RORA: variants seen among roughly 807,000 people sequenced by gnomAD.
The protein encoded by RORA is RAR related orphan receptor A, also known as nuclear receptor ROR-alpha.
In RORA, 7 loss-of-function variants were observed where a neutral mutation model predicts 69.5. That is an observed-to-expected ratio of 0.10 (90% CI 0.06 to 0.19). RORA has a LOEUF of 0.19. Among genes scored for constraint, RORA ranks in the 10% least tolerant of loss-of-function variants. RORA has a pLI of 1.00. For missense variants in RORA, 457 were observed against 663.0 expected (o/e 0.69, Z 3.41); for synonymous variants, 261 against 240.8 (o/e 1.08, Z -0.78).
At chr15:60,823,343 C>A (rs2072918864) in intron 1 of RORA, among the ~76,000 whole-genome samples, 2 of 152,178 alleles carry the variant, frequency 1.3e-5, no homozygotes. Flanking sequence ...GTGTAAGCCA[C>A]CACAGGCTTT....
chr15:61,002,305 G>A (rs1056801684), intron 1 of RORA, among the ~76,000 whole-genome samples: 1 of 152,174 alleles, frequency 6.6e-6, no homozygotes, highest in Non-Finnish European at 1.5e-5. Context: ...TGCAGCATAT[G>A]AACCAATAAA....
intron 1 of RORA, among the ~76,000 whole-genome samples, chr15:61,150,186 A>G (rs963145871): frequency 2.6e-5 from 4 of 152,242 alleles, no homozygotes; most frequent in African/African-American, 9.6e-5. Flanking sequence ...TAAGCCACAC[A>G]TGACAAGGGG....
At chr15:60,985,731 C>A (rs1018341337) in intron 1 of RORA, among the ~76,000 whole-genome samples, 1 of 151,676 alleles carries the variant, frequency 6.6e-6, no homozygotes, top group East Asian at 1.9e-4. Flanking sequence ...ACTACAGGTG[C>A]GCGCCACCAT....
chr15:61,018,456 G>C (rs78914331), intron 1 of RORA, among the ~76,000 whole-genome samples: 2,707 of 152,258 alleles, frequency 0.018, 39 homozygotes, highest in Non-Finnish European at 0.028. Flanking sequence ...ATAAATGTAA[G>C]GTGTCACTGG....
chr15:61,023,354 T>TA (rs1156266841), intron 1 of RORA, among the ~76,000 whole-genome samples: 2 of 152,128 alleles, frequency 1.3e-5, no homozygotes, highest in Non-Finnish European at 2.9e-5. Flanking sequence ...AGACACTTCT[T>TA]ACACAGTGAG....
chr15:60,723,966 T>C (rs1233939185), intron 1 of RORA, among the ~76,000 whole-genome samples: 1 of 152,194 alleles, frequency 6.6e-6, no homozygotes, highest in African/African-American at 2.4e-5. Flanking sequence ...TTAGAGAAAC[T>C]AAGTGCTTGA....
At position 60,943,879 on chromosome 15, in the gene RORA, G is replaced by T. The variant is rs946208423; in HGVS notation, c.167-265193C>A. On this transcript the variant is annotated intron_variant, in intron 1 of 10. Transcript: ENST00000335670. ...TGCAGTGACCCGAGATCATGCCACT[G>T]CACTCCAACATGGGTGACAGAGCCA... Among the ~76,000 whole-genome samples the T allele has an allele frequency of 1.2e-4, 14 of 114,772 alleles. No homozygotes were observed. In the Admixed American group the frequency reaches 1.3e-3, roughly 11 times the overall value. The allele number at this position is 114,772 out of a possible 152,430, so 75.3% of individuals were successfully genotyped here.
chr15:60,907,491 T>C (rs1425871413), intron 1 of RORA, among the ~76,000 whole-genome samples: 3 of 152,194 alleles, frequency 2.0e-5, no homozygotes, highest in Non-Finnish European at 4.4e-5. Context: ...ACAAGCTAGA[T>C]TAGAAGATAT....
chr15:60,748,592 C>A (rs2071681364), intron 1 of RORA, among the ~76,000 whole-genome samples: 1 of 152,182 alleles, frequency 6.6e-6, no homozygotes, highest in African/African-American at 2.4e-5. Flanking sequence ...ACCTTATGAC[C>A]TTATGACCAA....
At chr15:60,578,921 G>A (rs1443878685) in intron 2 of RORA, among the ~76,000 whole-genome samples, 4 of 151,858 alleles carry the variant, frequency 2.6e-5, no homozygotes, top group Non-Finnish European at 5.9e-5. Context: ...CCGCCACCAT[G>A]CCCAGCTAAT....
chr15:60,598,145 T>C (rs997921252), intron 2 of RORA, among the ~76,000 whole-genome samples: 2 of 152,204 alleles, frequency 1.3e-5, no homozygotes, highest in Non-Finnish European at 2.9e-5. Flanking sequence ...TATCTCTCAG[T>C]AGAGCTTACA....
intron 1 of RORA, among the ~76,000 whole-genome samples, chr15:60,944,543 C>T (rs1034725628): frequency 1.3e-5 from 2 of 151,916 alleles, no homozygotes; most frequent in African/African-American, 4.8e-5. Flanking sequence ...ATAGTGAAAC[C>T]CCATCTCTAC....
chr15:61,207,127 T>C (rs368909058), intron 1 of RORA, among the ~76,000 whole-genome samples: 3 of 152,004 alleles, frequency 2.0e-5, no homozygotes, highest in East Asian at 1.9e-4. Context: ...TATACATATA[T>C]ACACACACAC....
chr15:60,515,889 C>A (rs1158591522), intron 3 of RORA, among the ~76,000 whole-genome samples: 1 of 106,814 alleles, frequency 9.4e-6, no homozygotes, highest in East Asian at 2.2e-4. Flanking sequence ...TACATACATA[C>A]ATATATATAT....
At chr15:61,056,560 A>G (rs1258861952) in intron 1 of RORA, among the ~76,000 whole-genome samples, 1 of 152,232 alleles carries the variant, frequency 6.6e-6, no homozygotes, top group Non-Finnish European at 1.5e-5. Flanking sequence ...ATGTGATTCA[A>G]ACTGGCTTTT....
At chr15:60,549,986 G>C (rs993494963) in intron 2 of RORA, among the ~76,000 whole-genome samples, 1 of 152,104 alleles carries the variant, frequency 6.6e-6, no homozygotes, top group Non-Finnish European at 1.5e-5. Context: ...AGCTGCTTCC[G>C]ACCTTGAAAA....
intron 3 of RORA, among the ~76,000 whole-genome samples, chr15:60,516,169 ATAT>A (rs2065926373): frequency 1.4e-4 from 5 of 35,206 alleles, no homozygotes; most frequent in Non-Finnish European, 1.9e-4. Flanking sequence ...ATTTATATAT[ATAT>A]TTATATATAT....
chr15:60,617,437 A>G (rs1003038719), intron 2 of RORA, among the ~76,000 whole-genome samples: 1 of 152,150 alleles, frequency 6.6e-6, no homozygotes, highest in Admixed American at 6.5e-5. Flanking sequence ...AGGTCTGAGG[A>G]AGCAACTGCG....
At chr15:60,759,434 T>C (rs188209298) in intron 1 of RORA, among the ~76,000 whole-genome samples, 72 of 152,300 alleles carry the variant, frequency 4.7e-4, no homozygotes, top group Admixed American at 2.6e-3. Context: ...GGGGGCCAAC[T>C]CTAGCAATGA....
Sources: allele counts gnomAD v4.1 joint callset (sites outside exome capture counted in the v4.1 genomes callset), GRCh38; gene constraint gnomAD v4.1.1; transcripts MANE v1.5; gene names NCBI Gene and HGNC (gene_info 2026-07-23, HGNC 2026-07-21).